CLEC4A: variants seen among roughly 807,000 people sequenced by gnomAD.
CLEC4A encodes C-type (calcium dependent, carbohydrate-recognition domain) lectin, superfamily member 6.
A neutral mutation model predicts 32.7 loss-of-function variants in CLEC4A; 27 were observed. That is an observed-to-expected ratio of 0.83 (90% CI 0.61 to 1.14). The LOEUF is 1.14. Among genes scored for constraint, CLEC4A ranks in the 50% most tolerant of loss-of-function variants. The pLI is 0.00. For missense variants in CLEC4A, 253 were observed against 274.6 expected (o/e 0.92, Z 0.55); for synonymous variants, 89 against 93.7 (o/e 0.95, Z 0.29).
At chr12:8,124,081 C>G in intron 1 of CLEC4A, 121 bp downstream of exon 1, 1 of 686,396 alleles carries the variant, frequency 1.5e-6, no homozygotes, top group South Asian at 1.6e-5. Context: ...CTGGGAAACA[C>G]AAGAGTCCCA....
rs755010184 is a variant in CLEC4A, at chr12:8,137,000, C to T, written c.566+97C>T. On this transcript the variant is annotated intron_variant, in intron 5 of 5. Transcript: ENST00000229332. ...AGCTATAAAAGTAAAATAGCTCACT[C>T]TTCTTTTAGCTCTTGGGTACTAGGT... 1.6e-5 allele frequency: 11 copies of T among 703,818 alleles called. No individual in the cohort carries two copies. The Admixed American group carries it at 2.8e-4, about 18-fold the overall frequency. 43.6% of individuals were successfully genotyped at this position (703,818 alleles called of 1,614,324 possible).
rs758092478 is a variant in CLEC4A, at chr12:8,135,569, C to T, written c.299-16C>T. 6.2e-7 allele frequency: 1 copy of T among 1,613,138 alleles called. No homozygotes were observed. Among genetic ancestry groups the T allele is most frequent in the Non-Finnish European group, 8.5e-7 (1 of 1,179,340 alleles). ...ATTATTTATATTGCACGTATGTGCCCCTCTTCCCAATACAGAGACAGCCTG... is the reference window on the plus strand; with the variant it reads ...ATTATTTATATTGCACGTATGTGCCTCTCTTCCCAATACAGAGACAGCCTG... On this transcript the variant is annotated splice_polypyrimidine_tract_variant and intron_variant, in intron 3 of 5. Coordinates refer to ENST00000229332, the MANE Select transcript of CLEC4A (RefSeq NM_016184.4).
At chr12:8,134,986 G>GTTTTTTGTT (rs1948078463) in intron 3 of CLEC4A, 3 of 138,878 alleles carry the variant, frequency 2.2e-5, no homozygotes, top group Non-Finnish European at 3.1e-5. Flanking sequence ...TTTGTTTTTT[G>GTTTTTTGTT]TTTTTTTTTA....
At chr12:8,124,160 G>A (rs933280742) in intron 1 of CLEC4A, among the ~76,000 whole-genome samples, 200 bp downstream of exon 1, 15 of 152,126 alleles carry the variant, frequency 9.9e-5, no homozygotes, top group African/African-American at 3.4e-4. Context: ...AAAAGATTTT[G>A]TGCCACTCTC....
chr12:8,134,846 C>T (rs944640500), intron 3 of CLEC4A: 7 of 1,540,526 alleles, frequency 4.5e-6, no homozygotes, highest in East Asian at 2.4e-5. Flanking sequence ...CCAGGTGTCC[C>T]GCCATGGGGA....
At chr12:8,134,780 C>T (rs1253496970) in intron 3 of CLEC4A, 4 of 1,551,084 alleles carry the variant, frequency 2.6e-6, no homozygotes, top group Non-Finnish European at 3.5e-6. Context: ...CCGGCTCCGG[C>T]CCCCCTGGCC....
the CLEC4A span, among the ~76,000 whole-genome samples, chr12:8,110,483 C>G: frequency 6.6e-6 from 1 of 152,212 alleles, no homozygotes; most frequent in East Asian, 1.9e-4. Flanking sequence ...ACTACAGTGC[C>G]TTTACGTCCT....
chr12:8,122,874 G>C (rs771633442), upstream of CLEC4A, among the ~76,000 whole-genome samples: 32 of 152,000 alleles, frequency 2.1e-4, no homozygotes, highest in African/African-American at 6.5e-4. Context: ...GGAATCAGCT[G>C]GGGGAGATTA....
the CLEC4A span, among the ~76,000 whole-genome samples, chr12:8,109,482 G>A: frequency 5.3e-5 from 8 of 152,110 alleles, no homozygotes; most frequent in East Asian, 1.5e-3. Flanking sequence ...GTTAAACTTT[G>A]TTTGCCTCAG....
the CLEC4A span, among the ~76,000 whole-genome samples, chr12:8,106,882 T>C: frequency 6.6e-6 from 1 of 152,178 alleles, no homozygotes; most frequent in Admixed American, 6.5e-5. Context: ...TCTCGCCTGA[T>C]TGTCCTGCCT....
chr12:8,135,926 C>G (rs893575880), intron 4 of CLEC4A, among the ~76,000 whole-genome samples, 190 bp downstream of exon 4: 1 of 152,076 alleles, frequency 6.6e-6, no homozygotes, highest in South Asian at 2.1e-4. Context: ...ACTAACCTCC[C>G]CGGAAGAAAT....
At chr12:8,107,136 G>A in the CLEC4A span, among the ~76,000 whole-genome samples, 1 of 152,152 alleles carries the variant, frequency 6.6e-6, no homozygotes, top group Non-Finnish European at 1.5e-5. Context: ...AGATGATTGT[G>A]TGGCTTTTGT....
the CLEC4A span, among the ~76,000 whole-genome samples, chr12:8,113,039 C>T: frequency 6.6e-6 from 1 of 151,820 alleles, no homozygotes; most frequent in Middle Eastern, 3.4e-3. Flanking sequence ...CATATGTATA[C>T]ATGTGACATG....
At chr12:8,109,036 G>T in the CLEC4A span, among the ~76,000 whole-genome samples, 4 of 152,144 alleles carry the variant, frequency 2.6e-5, no homozygotes, top group African/African-American at 7.2e-5. Context: ...ATAGTTGTAG[G>T]AATTTGCTCA....
At chr12:8,115,661 T>C in the CLEC4A span, among the ~76,000 whole-genome samples, 1 of 152,178 alleles carries the variant, frequency 6.6e-6, no homozygotes, top group South Asian at 2.1e-4. Context: ...TGAAGAGTTA[T>C]ATAGGTCTGA....
the CLEC4A span, among the ~76,000 whole-genome samples, chr12:8,108,185 T>A: frequency 1.3e-5 from 2 of 152,320 alleles, no homozygotes; most frequent in Admixed American, 1.3e-4. Flanking sequence ...TCCATGCAAT[T>A]GTATGGTTTT....
chr12:8,135,681 A>G lies in CLEC4A; in HGVS notation c.395A>G (p.Lys132Arg). The change falls in exon 4 of 6, where the codon AAG (lysine) becomes AGG (arginine). Residue 132 changes from lysine to arginine, a missense_variant. Transcript: ENST00000229332. Reference sequence around the variant, plus strand: ...TCAGCATCTTGGCAAGACAGTGAGAAGGACTGTGCTAGAATGGAGGCTCAC... The same window carrying G: ...TCAGCATCTTGGCAAGACAGTGAGAGGGACTGTGCTAGAATGGAGGCTCAC... ...TESASWQDSE[K>R]DCARMEAHLL... 1 of 1,614,208 alleles carries G rather than the reference A, an allele frequency of 6.2e-7. No homozygotes were observed. Among genetic ancestry groups the G allele is most frequent in the Non-Finnish European group, 8.5e-7 (1 of 1,180,008 alleles).
At chr12:8,134,981 T>TG (rs1488392020) in intron 3 of CLEC4A, 2 of 290,794 alleles carry the variant, frequency 6.9e-6, no homozygotes, top group Non-Finnish European at 1.1e-5. Context: ...GCGTTTTTGT[T>TG]TTTTGTTTTT....
chr12:8,131,136 CTA>C (rs1360281379), intron 3 of CLEC4A, among the ~76,000 whole-genome samples: 2 of 152,160 alleles, frequency 1.3e-5, no homozygotes, highest in Non-Finnish European at 2.9e-5. Flanking sequence ...ATGTAAAATG[CTA>C]TTTTCATTAC....
Sources: allele counts gnomAD v4.1 joint callset (sites outside exome capture counted in the v4.1 genomes callset), GRCh38; gene constraint gnomAD v4.1.1; transcripts MANE v1.5; gene names NCBI Gene and HGNC (gene_info 2026-07-23, HGNC 2026-07-21).